ADAMTS16: variants seen among roughly 807,000 people sequenced by gnomAD.
ADAMTS16 encodes the protein ADAM metallopeptidase with thrombospondin type 1 motif 16.
In ADAMTS16, 94 loss-of-function variants were observed where a neutral mutation model predicts 145.8. The observed-to-expected ratio is 0.64, with a 90% confidence interval of 0.55 to 0.77. The LOEUF is 0.77. Ranked by LOEUF, ADAMTS16 falls within the 30% of genes least tolerant of loss-of-function variation. ADAMTS16 has a pLI of 0.00. For synonymous variants in ADAMTS16, 659 were observed against 604.3 expected (o/e 1.09, Z -1.33); for missense variants, 1,585 against 1,591.5 (o/e 1.00, Z 0.07).
intron 20 of ADAMTS16, among the ~76,000 whole-genome samples, chr5:5,306,149 A>T (rs182478086): frequency 1.7e-4 from 26 of 152,260 alleles, no homozygotes; most frequent in Admixed American, 9.8e-4. Context: ...TAATCCATGG[A>T]CCCGTGGTAG....
intron 21 of ADAMTS16, among the ~76,000 whole-genome samples, chr5:5,308,231 A>C (rs75681247): frequency 6.6e-6 from 1 of 152,128 alleles, no homozygotes; most frequent in Admixed American, 6.5e-5. Context: ...TGTCATTCAG[A>C]AAAACTTTCA....
intron 9 of ADAMTS16, among the ~76,000 whole-genome samples, chr5:5,207,003 C>T (rs1406645191): frequency 1.3e-5 from 2 of 152,148 alleles, no homozygotes; most frequent in Admixed American, 6.5e-5. Context: ...TCTTTGTTCT[C>T]TTCCTTCAGT....
At chr5:5,242,377 G>A (rs1737319745) in intron 17 of ADAMTS16, among the ~76,000 whole-genome samples, 186 bp downstream of exon 17, 1 of 152,200 alleles carries the variant, frequency 6.6e-6, no homozygotes, top group Non-Finnish European at 1.5e-5. Context: ...GCCTTCTCCA[G>A]TCTATCTGCT....
At position 5,274,057 on chromosome 5, in the gene ADAMTS16, C is replaced by A. The variant is rs115693524; in HGVS notation, c.2789+11274C>A. Among the ~76,000 whole-genome samples, 764 of 152,098 alleles carry A rather than the reference C, an allele frequency of 5.0e-3. 3 individuals are homozygous for A. Among genetic ancestry groups the A allele is most frequent in the Admixed American group, 0.013 (197 of 15,294 alleles). ...TATTTTTAAAGACCTTTTTTTCCAG[C>A]AGTTTTTGCTTCATTTCATGGCAAC... On this transcript the variant is annotated intron_variant, in intron 18 of 22. Transcript: ENST00000274181.
At position 5,319,781 on chromosome 5, in the gene ADAMTS16, A is replaced by T; in HGVS notation, c.*643A>T. 2.2e-6 allele frequency: 1 copy of T among 445,172 alleles called. No individual in the cohort carries two copies. The highest frequency in any genetic ancestry group is 4.5e-6 in the Non-Finnish European group (1 of 222,408). 27.6% of individuals were successfully genotyped at this position (445,172 alleles called of 1,614,324 possible). ...TGCATTCTGGTTTGGGACTTTGCCT[A>T]TGGAAATGGGAAAAATGAAATTCCT... On this transcript the variant is annotated 3_prime_UTR_variant, in exon 23 of 23. Transcript: ENST00000274181.
At chr5:5,148,950 A>G (rs1187430811) in intron 3 of ADAMTS16, among the ~76,000 whole-genome samples, 1 of 152,086 alleles carries the variant, frequency 6.6e-6, no homozygotes, top group Non-Finnish European at 1.5e-5. Context: ...AGGATTTTAG[A>G]GACTGTCCAG....
intron 18 of ADAMTS16, among the ~76,000 whole-genome samples, chr5:5,282,015 A>G (rs1325694643): frequency 9.8e-6 from 1 of 101,722 alleles, no homozygotes; most frequent in African/African-American, 3.4e-5. Context: ...GTGATAATGC[A>G]TTGGTTTGCT....
At chr5:5,295,007 T>TA (rs1020346560) in intron 18 of ADAMTS16, among the ~76,000 whole-genome samples, 1 of 152,166 alleles carries the variant, frequency 6.6e-6, no homozygotes, top group African/African-American at 2.4e-5. Flanking sequence ...AAAAATTATT[T>TA]AAAAAAAATG....
chr5:5,225,232 G>T (rs1258123419), intron 11 of ADAMTS16, among the ~76,000 whole-genome samples: 1 of 99,998 alleles, frequency 1.0e-5, no homozygotes, highest in South Asian at 3.4e-4. Context: ...TGCTCTGGGA[G>T]GGGGCGGGAC....
intron 3 of ADAMTS16, among the ~76,000 whole-genome samples, chr5:5,147,730 A>G (rs1334741940): frequency 6.6e-6 from 1 of 152,236 alleles, no homozygotes; most frequent in Non-Finnish European, 1.5e-5. Context: ...TCTTCATGAA[A>G]TGCACAAAAT....
At chr5:5,311,543 GC>G (rs978068629) in intron 21 of ADAMTS16, among the ~76,000 whole-genome samples, 1 of 100,266 alleles carries the variant, frequency 1.0e-5, no homozygotes, top group African/African-American at 3.9e-5. Context: ...GTATTAGTCT[GC>G]TCCTTTTTTT....
At chr5:5,242,007 G>A (rs372345648) in intron 16 of ADAMTS16, 46 bp from the exon 17 acceptor site, 2 of 1,608,616 alleles carry the variant, frequency 1.2e-6, no homozygotes, top group Non-Finnish European at 1.7e-6. Context: ...GTACTTGCTG[G>A]TTTTGCATTA....
At position 5,269,820 on chromosome 5, in the gene ADAMTS16, T is replaced by C. The variant is rs946854179; in HGVS notation, c.2789+7037T>C. Among the ~76,000 whole-genome samples the C allele has an allele frequency of 6.6e-6, 1 of 152,182 alleles. No individual in the cohort carries two copies. Among genetic ancestry groups the C allele is most frequent in the Non-Finnish European group, 1.5e-5 (1 of 68,042 alleles). On this transcript the variant is annotated intron_variant, in intron 18 of 22. Coordinates refer to ENST00000274181, the MANE Select transcript of ADAMTS16 (RefSeq NM_139056.4). This position sits in a 1 kb window ranked among gnomAD's most constrained non-coding sequence, Gnocchi z 4.3. ...TTCTGCTGTGTCCTATCTTCTACACTTGACTCTCTCAAACACGGTTTAATA... is the reference window on the plus strand; with the variant it reads ...TTCTGCTGTGTCCTATCTTCTACACCTGACTCTCTCAAACACGGTTTAATA...
chr5:5,294,871 T>G (rs1254481047), intron 18 of ADAMTS16, among the ~76,000 whole-genome samples: 1 of 152,108 alleles, frequency 6.6e-6, no homozygotes, highest in African/African-American at 2.4e-5. Context: ...TGAATGCCCA[T>G]TACCCACCAG....
intron 6 of ADAMTS16, among the ~76,000 whole-genome samples, chr5:5,189,090 G>A (rs1560064): frequency 0.2 from 29,874 of 152,036 alleles, 3,690 homozygotes; most frequent in Admixed American, 0.4. Flanking sequence ...AAACATTTCA[G>A]GAGAAAACAT....
chr5:5,164,985 C>G (rs1195747804), intron 3 of ADAMTS16, among the ~76,000 whole-genome samples: 2 of 152,050 alleles, frequency 1.3e-5, no homozygotes, highest in South Asian at 4.1e-4. Flanking sequence ...ACATAACTAC[C>G]CCTCACCACT....
At chr5:5,233,331 A>C (rs2964438) in intron 12 of ADAMTS16, among the ~76,000 whole-genome samples, 87,241 of 152,046 alleles carry the variant, frequency 0.57, 25,657 homozygotes, top group Admixed American at 0.71. Context: ...TTTAATTTTT[A>C]ATTTTTTAAA....
At chr5:5,178,360 G>T (rs1435550580) in intron 3 of ADAMTS16, among the ~76,000 whole-genome samples, 1 of 152,166 alleles carries the variant, frequency 6.6e-6, no homozygotes, top group Non-Finnish European at 1.5e-5. Context: ...ACATTCCAGT[G>T]GTTACTGTGA....
intron 10 of ADAMTS16, among the ~76,000 whole-genome samples, chr5:5,221,252 A>AT (rs891659586): frequency 4.0e-5 from 6 of 151,754 alleles, no homozygotes; most frequent in Non-Finnish European, 5.9e-5. Context: ...TTCTGCATAC[A>AT]TTTTTTTTAA....
Sources: allele counts gnomAD v4.1 joint callset (sites outside exome capture counted in the v4.1 genomes callset), GRCh38; gene constraint gnomAD v4.1.1; non-coding constraint Gnocchi (gnomAD v3.1); transcripts MANE v1.5; gene names NCBI Gene and HGNC (gene_info 2026-07-23, HGNC 2026-07-21).